SLCO1B3: variants seen among roughly 807,000 people sequenced by gnomAD.
The protein encoded by SLCO1B3 is liver-specific organic anion transporter 2.
SLCO1B3 carries 72 observed loss-of-function variants against 71.8 expected under a neutral mutation model. The ratio of observed to expected loss-of-function variants is 1.00; its 90% CI spans 0.83 to 1.22. SLCO1B3 has a LOEUF of 1.22. Ranked by LOEUF, SLCO1B3 falls within the 50% of genes most tolerant of loss-of-function variation. The probability of loss-of-function intolerance (pLI) is 0.00; values close to 1 mark genes in which losing one functional copy is unlikely to be tolerated. For synonymous variants in SLCO1B3, 298 were observed against 278.4 expected, an observed-to-expected ratio of 1.07 and a Z score of -0.70; for missense variants, 911 against 819.7, an observed-to-expected ratio of 1.11 and a Z score of -1.36.
chr12:20,891,126 A>G (rs1865894075), intron 13 of SLCO1B3, among the ~76,000 whole-genome samples: 1 of 152,200 alleles, frequency 6.6e-6, no homozygotes, highest in East Asian at 1.9e-4. Context: ...TAAGTTTTAT[A>G]CTTTGTGTGT....
intron 8 of SLCO1B3, among the ~76,000 whole-genome samples, chr12:20,872,940 A>G (rs753243440): frequency 8.5e-5 from 13 of 152,188 alleles, no homozygotes; most frequent in Non-Finnish European, 1.6e-4. Context: ...TCATCCAAAC[A>G]TCTATCTTTG....
intron 14 of SLCO1B3, among the ~76,000 whole-genome samples, chr12:20,899,354 A>C (rs1388086064): frequency 1.3e-5 from 2 of 152,164 alleles, no homozygotes; most frequent in Non-Finnish European, 2.9e-5. Flanking sequence ...GGATTGGTGC[A>C]GAGGACTGAT....
intron 6 of SLCO1B3, 90 bp from the exon 7 acceptor site, chr12:20,862,322 A>G: frequency 1.4e-6 from 2 of 1,386,798 alleles, no homozygotes; most frequent in Non-Finnish European, 2.0e-6. Flanking sequence ...ACAAACAAAA[A>G]ATGGAAAAAT....
intron 13 of SLCO1B3, among the ~76,000 whole-genome samples, chr12:20,887,085 T>C (rs12816524): frequency 0.14 from 20,905 of 152,108 alleles, 1,526 homozygotes; most frequent in Middle Eastern, 0.24. Flanking sequence ...CCATAGTGTA[T>C]ACATATATAC....
chr12:20,823,967 G>A (rs1172998505), intron 3 of SLCO1B3, among the ~76,000 whole-genome samples: 1 of 152,056 alleles, frequency 6.6e-6, no homozygotes, highest in African/African-American at 2.4e-5. Flanking sequence ...GTAAAATAAC[G>A]AGTGTCTCGA....
At chr12:20,890,549 G>A (rs1017059402) in intron 13 of SLCO1B3, among the ~76,000 whole-genome samples, 1 of 152,152 alleles carries the variant, frequency 6.6e-6, no homozygotes, top group Non-Finnish European at 1.5e-5. Flanking sequence ...TGGGTCTAAT[G>A]TCCATTGTAA....
chr12:20,879,819 G>A (rs987674941), intron 11 of SLCO1B3, among the ~76,000 whole-genome samples, 188 bp downstream of exon 11: 10 of 152,084 alleles, frequency 6.6e-5, no homozygotes, highest in Middle Eastern at 3.4e-3. Flanking sequence ...CCTTCCTTAA[G>A]GAAAAGCAAC....
chr12:20,915,191 G>A (rs1273871360), intron 15 of SLCO1B3, among the ~76,000 whole-genome samples: 1 of 151,360 alleles, frequency 6.6e-6, no homozygotes, highest in Non-Finnish European at 1.5e-5. Context: ...TCTTTCTTTT[G>A]TCTTATTTTT....
At chr12:20,840,541 C>T (rs4762681) in intron 3 of SLCO1B3, among the ~76,000 whole-genome samples, 109,956 of 151,822 alleles carry the variant, frequency 0.72, 42,409 homozygotes, top group South Asian at 0.9. Flanking sequence ...AGGCACTCAA[C>T]ACCACACCCA....
intron 3 of SLCO1B3, among the ~76,000 whole-genome samples, chr12:20,841,129 T>C (rs947687974): frequency 5.3e-5 from 8 of 152,180 alleles, no homozygotes; most frequent in Non-Finnish European, 1.0e-4. Flanking sequence ...GTTTTTGTTA[T>C]GAGTTTCTGC....
chr12:20,819,470 A>G (rs1191444750), intron 3 of SLCO1B3, among the ~76,000 whole-genome samples: 1 of 152,192 alleles, frequency 6.6e-6, no homozygotes, highest in Admixed American at 6.5e-5. Context: ...TGACTGGTGC[A>G]AAAGAATAGT....
rs529471627 is a variant in SLCO1B3 at position 20,815,825 on chromosome 12, A to G, written c.84+3A>G. The G allele has an allele frequency of 6.4e-7, 1 of 1,560,328 alleles. No homozygotes were observed. Among genetic ancestry groups the G allele is most frequent in the African/African-American group, 1.4e-5 (1 of 73,570 alleles). On this transcript the variant is annotated splice_donor_region_variant and intron_variant, in intron 3 of 15. Coordinates refer to ENST00000381545, the MANE Select transcript of SLCO1B3 (RefSeq NM_019844.4). Reference sequence around the variant, plus strand: ...CAAGACGCTGCAATGGATTCAAGGTAGAATGGGTTTTATATTTTCAAACTA... The same window carrying G: ...CAAGACGCTGCAATGGATTCAAGGTGGAATGGGTTTTATATTTTCAAACTA...
At chr12:20,858,620 T>C (rs1490272014) in intron 5 of SLCO1B3, 49 bp downstream of exon 5, 2 of 1,534,734 alleles carry the variant, frequency 1.3e-6, no homozygotes, top group Non-Finnish European at 1.8e-6. Context: ...ACTTGTAAAT[T>C]AGCAGTAGAA....
In SLCO1B3 at chr12:20,901,365, C is replaced by A. The variant is rs1866128853; in HGVS notation, c.1763C>A (p.Pro588Gln). The change falls in exon 15 of 16, where the codon CCA becomes CAA. Residue 588 changes from proline to glutamine, a missense_variant. Transcript: ENST00000381545. ...CATGTTGCAGGAGGAATTCTAGCTC[C>A]AATATATTTTGGGGCTCTGATTGAT... ...VIRTLGGILA[P>Q]IYFGALIDKT... 6.3e-7 allele frequency: 1 copy of A among 1,576,918 alleles called. No homozygotes were observed. The highest frequency in any genetic ancestry group is 1.8e-5 in the Admixed American group (1 of 54,296).
intron 3 of SLCO1B3, 36 bp from the exon 4 acceptor site, chr12:20,854,992 T>C (rs756892028): frequency 2.5e-6 from 4 of 1,590,214 alleles, no homozygotes; most frequent in Middle Eastern, 4.5e-4. Flanking sequence ...AGTTCTTTGA[T>C]TAACCAATTT....
intron 13 of SLCO1B3, among the ~76,000 whole-genome samples, chr12:20,893,684 A>G (rs979697253): frequency 2.6e-5 from 4 of 152,194 alleles, no homozygotes; most frequent in East Asian, 3.8e-4. Context: ...TTTGCTGGTA[A>G]CAAATATGAG....
At chr12:20,869,723 TTTA>T (rs1290505342) in intron 8 of SLCO1B3, among the ~76,000 whole-genome samples, 1 of 152,210 alleles carries the variant, frequency 6.6e-6, no homozygotes, top group African/African-American at 2.4e-5. Flanking sequence ...ATTTTCTTTG[TTTA>T]TTCATCTCTC....
intron 13 of SLCO1B3, among the ~76,000 whole-genome samples, chr12:20,895,454 C>T (rs1368754922): frequency 6.6e-6 from 1 of 152,116 alleles, no homozygotes; most frequent in African/African-American, 2.4e-5. Context: ...GGCTACAGGC[C>T]TTATGCAAGT....
intron 13 of SLCO1B3, among the ~76,000 whole-genome samples, chr12:20,886,747 C>T (rs1865799215): frequency 6.6e-6 from 1 of 151,852 alleles, no homozygotes; most frequent in African/African-American, 2.4e-5. Flanking sequence ...TTTAGAGATA[C>T]AATTGTAGTT....
Sources: gnomAD v4.1 joint callset for allele counts (sites outside exome capture counted in the v4.1 genomes callset) on GRCh38, gnomAD v4.1.1 for gene constraint, MANE v1.5 for transcripts, NCBI Gene and HGNC (gene_info 2026-07-23, HGNC 2026-07-21) for gene names.